The following MROH2A variants were observed in gnomAD, a reference collection of about 807,000 sequenced individuals.
MROH2A encodes maestro heat like repeat family member 2A.
In MROH2A, 174 loss-of-function variants were observed where a neutral mutation model predicts 200.4. The ratio of observed to expected loss-of-function variants is 0.87; its 90% CI spans 0.77 to 0.98. The LOEUF is 0.98. Among genes scored for constraint, MROH2A ranks in the 50% least tolerant of loss-of-function variants. The pLI, the probability that MROH2A is intolerant of heterozygous loss-of-function variation, is 0.00. For missense variants in MROH2A, 2,045 were observed against 2,139.6 expected (o/e 0.96, Z 0.87); for synonymous variants, 829 against 840.4 (o/e 0.99, Z 0.23).
In MROH2A at chr2:233,789,839, C is replaced by A; in HGVS notation, c.409-13C>A. 1.3e-6 allele frequency: 2 copies of A among 1,545,982 alleles called. No individual in the cohort carries two copies. Among genetic ancestry groups the A allele is most frequent in the Non-Finnish European group, 1.7e-6 (2 of 1,144,424 alleles). ...GGTGGTGGTGCCATATGTCCCTCTT[C>A]TGTCTCCTGCAGATGGAGGGCTATA... On this transcript the variant is annotated splice_polypyrimidine_tract_variant and intron_variant, in intron 4 of 41. Transcript: ENST00000389758.
chr2:233,786,903 A>G (rs17862885), intron 3 of MROH2A, among the ~76,000 whole-genome samples: 23,430 of 152,192 alleles, frequency 0.15, 1,902 homozygotes, highest in East Asian at 0.21. Flanking sequence ...CCTGTGCTTT[A>G]CCAGACAAAA....
intron 3 of MROH2A, among the ~76,000 whole-genome samples, chr2:233,786,929 A>G (rs889940051): frequency 1.3e-5 from 2 of 152,226 alleles, no homozygotes; most frequent in African/African-American, 4.8e-5. Flanking sequence ...TTGCACTGCC[A>G]TGAACAGGAA....
At chr2:233,809,326 G>A (rs1338057670) in intron 22 of MROH2A, 48 bp downstream of exon 22, 1 of 1,532,348 alleles carries the variant, frequency 6.5e-7, no homozygotes, top group Admixed American at 2.0e-5. Flanking sequence ...CCAGGCTGGT[G>A]GGTAGTAGCC....
intron 5 of MROH2A, among the ~76,000 whole-genome samples, chr2:233,790,344 C>G (rs938641357): frequency 6.8e-6 from 1 of 147,052 alleles, no homozygotes; most frequent in Non-Finnish European, 1.5e-5. Context: ...GCCTTACTTA[C>G]TCCTTCCTCT....
In MROH2A at chr2:233,807,818, A is replaced by G. The variant is rs1575968652; in HGVS notation, c.2258A>G (p.Gln753Arg). The G allele has an allele frequency of 1.9e-6, 3 of 1,550,990 alleles. No individual in the cohort carries two copies. The highest frequency in any genetic ancestry group is 4.9e-5 in the East Asian group (2 of 40,918). ...NVLHDFEERIQESEQSWQISA... is the reference protein window; with the variant it reads ...NVLHDFEERIRESEQSWQISA... ...CTTCATGACTTCGAGGAGAGGATCC[A>G]GGAGTCAGAGCAGTCCTGGCAGATC... is the stretch of plus-strand genomic sequence containing the variant. Residue 753 changes from glutamine to arginine, a missense_variant, in exon 21 of 42, where the codon CAG becomes CGG. This residue lies in a region of MROH2A where 1,201 missense variants were observed against 1,311.3 expected (regional missense o/e 0.92). Transcript: ENST00000389758. This position sits in a 1 kb window ranked among gnomAD's most constrained non-coding sequence, Gnocchi z 4.3.
intron 13 of MROH2A, 41 bp from the exon 14 acceptor site, chr2:233,800,164 T>C: frequency 7.0e-7 from 1 of 1,429,380 alleles, no homozygotes; most frequent in Non-Finnish European, 9.5e-7. Context: ...GACAAACCTC[T>C]GCTAGGCCAC....
chr2:233,830,037 G>T (rs1704616739), intron 38 of MROH2A, among the ~76,000 whole-genome samples: 1 of 152,118 alleles, frequency 6.6e-6, no homozygotes, highest in Non-Finnish European at 1.5e-5. Flanking sequence ...TGTGGTGGCT[G>T]CCTATAGCCC....
intron 13 of MROH2A, 90 bp downstream of exon 13, chr2:233,799,989 G>C: frequency 1.3e-6 from 2 of 1,493,422 alleles, no homozygotes; most frequent in Non-Finnish European, 1.8e-6. Context: ...CAGCGTACCT[G>C]TGTTCAAACC....
intron 14 of MROH2A, 55 bp downstream of exon 14, chr2:233,800,370 A>G: frequency 1.9e-6 from 2 of 1,027,854 alleles, no homozygotes; most frequent in Non-Finnish European, 2.9e-6. Context: ...GCTGGGGGTG[A>G]ACCACACATG....
chr2:233,800,976 T>C (rs967285457), intron 14 of MROH2A, among the ~76,000 whole-genome samples: 1 of 152,190 alleles, frequency 6.6e-6, no homozygotes, highest in Non-Finnish European at 1.5e-5. Flanking sequence ...ATCATCATCA[T>C]CATAGCTACA....
In MROH2A at chr2:233,829,771, C is replaced by T; in HGVS notation, c.4598C>T (p.Ala1533Val). Reference protein sequence around the residue: ...LHSQDPCSNAAQACMATMFQC... With the variant: ...LHSQDPCSNAVQACMATMFQC... ...TCCCAGGACCCCTGCTCCAATGCAGCCCAAGTAAGATACATCCTGGGCTTT... is the reference window on the plus strand; with the variant it reads ...TCCCAGGACCCCTGCTCCAATGCAGTCCAAGTAAGATACATCCTGGGCTTT... The change falls in exon 38 of 42, where the codon GCC becomes GTC. Residue 1533 changes from alanine to valine, a missense_variant. Coordinates refer to ENST00000389758, the MANE Select transcript of MROH2A (RefSeq NM_001394639.1). 2 of 1,369,646 alleles carry T rather than the reference C, an allele frequency of 1.5e-6. No homozygotes were observed. Among genetic ancestry groups the T allele is most frequent in the Middle Eastern group, 1.9e-4 (1 of 5,260 alleles). 84.8% of individuals were successfully genotyped at this position (1,369,646 alleles called of 1,614,324 possible).
Position 233,832,638 on chromosome 2 carries a change from C to CG in MROH2A, c.4899dup (p.Asn1634GlufsTer27), listed in dbSNP as rs1559490236. 2 of 1,547,404 alleles carry CG rather than the reference C, an allele frequency of 1.3e-6. No homozygotes were observed. The highest frequency in any genetic ancestry group is 2.7e-5 in the African/African-American group (2 of 73,016). On this transcript the variant is annotated frameshift_variant, in exon 41 of 42. Transcript: ENST00000389758. LOFTEE classifies it high-confidence loss of function. ...GAAAAAGCTGGACTTCCCAGCATTA[C>CG]GGAATTGTGAGTAGTGGAGAGTGTT...
chr2:233,819,562 C>A, intron 30 of MROH2A, 93 bp downstream of exon 30: 1 of 1,304,360 alleles, frequency 7.7e-7, no homozygotes, highest in Non-Finnish European at 1.0e-6. Context: ...CACCAGCACT[C>A]GCTGAGAATG....
intron 30 of MROH2A, 114 bp downstream of exon 30, chr2:233,819,583 C>A: frequency 2.7e-6 from 3 of 1,127,522 alleles, no homozygotes; most frequent in Non-Finnish European, 3.7e-6. Flanking sequence ...CCTCCCCCAA[C>A]CCCTGGCTGC....
intron 27 of MROH2A, among the ~76,000 whole-genome samples, chr2:233,817,483 A>T (rs116509596): frequency 1.8e-4 from 28 of 152,186 alleles, no homozygotes; most frequent in Non-Finnish European, 3.4e-4. Flanking sequence ...GGAGGTGGGG[A>T]TGAAGGCTCA....
At chr2:233,814,125 G>T in intron 25 of MROH2A, among the ~76,000 whole-genome samples, 1 of 152,178 alleles carries the variant, frequency 6.6e-6, no homozygotes, top group East Asian at 1.9e-4. Context: ...CAATCAATGG[G>T]TATTGATACC....
chr2:233,789,427 T>A (rs1701583111), intron 3 of MROH2A, 70 bp from the exon 4 acceptor site: 1 of 1,296,054 alleles, frequency 7.7e-7, no homozygotes, highest in African/African-American at 1.5e-5. Context: ...AGGAGGACAG[T>A]GGGAGAGAGA....
rs1428322002 is a variant in MROH2A at position 233,807,038 on chromosome 2, C to T, written c.2053-385C>T. Reference sequence around the variant, plus strand: ...GCTCCCACTTATGAGTGAGAACATACGACGTTTGGTTTTCCATTCCTAAGT... The same window carrying T: ...GCTCCCACTTATGAGTGAGAACATATGACGTTTGGTTTTCCATTCCTAAGT... On this transcript the variant is annotated intron_variant, in intron 19 of 41. Transcript: ENST00000389758. The surrounding 1 kb of genome is among the most constrained non-coding windows in gnomAD (Gnocchi z 4.3). Among the ~76,000 whole-genome samples the T allele has an allele frequency of 2.0e-5, 3 of 152,014 alleles. No homozygotes were observed. Among genetic ancestry groups the T allele is most frequent in the Admixed American group, 6.6e-5 (1 of 15,264 alleles).
chr2:233,818,626 C>A, intron 28 of MROH2A, 26 bp from the exon 29 acceptor site: 2 of 1,444,680 alleles, frequency 1.4e-6, no homozygotes, highest in South Asian at 1.2e-5. Context: ...CCCTGCTGGT[C>A]ATTTCTGAAG....
Sources: allele counts gnomAD v4.1 joint callset (sites outside exome capture counted in the v4.1 genomes callset), GRCh38; gene constraint gnomAD v4.1.1; regional missense constraint gnomAD v4.1.1; non-coding constraint Gnocchi (gnomAD v3.1); transcripts MANE v1.5; gene names NCBI Gene and HGNC (gene_info 2026-07-23, HGNC 2026-07-21).